VPS41: variants seen among roughly 807,000 people sequenced by gnomAD.
The protein encoded by VPS41 is VPS41 subunit of HOPS complex, also known as vacuolar protein sorting-associated protein 41 homolog.
In VPS41, 85 loss-of-function variants were observed where a neutral mutation model predicts 130.9. That is an observed-to-expected ratio of 0.65 (90% CI 0.55 to 0.78). The LOEUF (loss-of-function observed/expected upper bound fraction) is 0.78. Ranked by LOEUF, VPS41 falls within the 30% of genes least tolerant of loss-of-function variation. The pLI, the probability that VPS41 is intolerant of heterozygous loss-of-function variation, is 0.00. For missense variants in VPS41, 874 were observed against 1,018.7 expected (o/e 0.86, Z 1.93); for synonymous variants, 335 against 332.9 (o/e 1.01, Z -0.07).
At chr7:38,831,809 T>C (rs965086736) in intron 4 of VPS41, among the ~76,000 whole-genome samples, 4 of 152,228 alleles carry the variant, frequency 2.6e-5, no homozygotes, top group Non-Finnish European at 4.4e-5. Flanking sequence ...GCCACAGTGC[T>C]ACTAAGGGCT....
chr7:38,819,635 T>C (rs192838676), intron 6 of VPS41, among the ~76,000 whole-genome samples: 25 of 152,170 alleles, frequency 1.6e-4, no homozygotes, highest in African/African-American at 6.0e-4. Context: ...CTATTTAATC[T>C]CCACACTGCA....
At chr7:38,867,204 GGAAAT>G (rs1786247444) in intron 3 of VPS41, among the ~76,000 whole-genome samples, 1 of 152,144 alleles carries the variant, frequency 6.6e-6, no homozygotes, top group Non-Finnish European at 1.5e-5. Flanking sequence ...AAACAAGGGA[GGAAAT>G]GTGATGAAGT....
At chr7:38,751,775 C>T (rs961420673) in intron 22 of VPS41, among the ~76,000 whole-genome samples, 5 of 152,174 alleles carry the variant, frequency 3.3e-5, no homozygotes, top group African/African-American at 1.2e-4. Context: ...GTTTATCAAA[C>T]CTGATTCCTG....
chr7:38,742,940 T>C (rs752142530), intron 24 of VPS41, among the ~76,000 whole-genome samples: 4 of 152,022 alleles, frequency 2.6e-5, no homozygotes, highest in South Asian at 2.1e-4. Flanking sequence ...CTGATAAAAA[T>C]AGTGCAGGAA....
In VPS41 at chr7:38,820,940, T is replaced by G. The variant is rs189448200; in HGVS notation, c.384+263A>C. ...TTTTACCACAGATCGTGTGTGTGTG[T>G]GCGTGCGTGTGTGTGTGTATGTGTG... On this transcript the variant is annotated intron_variant, in intron 6 of 28. Transcript: ENST00000310301. Among the ~76,000 whole-genome samples the G allele has an allele frequency of 7.3e-5, 11 of 151,580 alleles. No individual in the cohort carries two copies. In the East Asian group the frequency reaches 2.1e-3, roughly 29 times the overall value.
intron 10 of VPS41, among the ~76,000 whole-genome samples, chr7:38,780,297 C>T (rs1468144491): frequency 6.6e-6 from 1 of 151,332 alleles, no homozygotes; most frequent in Non-Finnish European, 1.5e-5. Context: ...TGAGGCTCAG[C>T]TCGCGGGCCC....
intron 2 of VPS41, among the ~76,000 whole-genome samples, chr7:38,872,249 A>C (rs545506144): frequency 6.6e-6 from 1 of 152,206 alleles, no homozygotes; most frequent in Non-Finnish European, 1.5e-5. Context: ...TGTTCTGATC[A>C]AGCAGCCCTG....
chr7:38,781,077 C>A (rs1213820323), intron 10 of VPS41, among the ~76,000 whole-genome samples: 1 of 152,116 alleles, frequency 6.6e-6, no homozygotes, highest in African/African-American at 2.4e-5. Flanking sequence ...AATTAAACCT[C>A]TTTTCTTTAT....
At chr7:38,756,418 C>T (rs974292653) in intron 19 of VPS41, among the ~76,000 whole-genome samples, 43 of 152,008 alleles carry the variant, frequency 2.8e-4, no homozygotes, top group African/African-American at 1.0e-3. Context: ...ATGCTGGATA[C>T]GTGAACACCA....
intron 1 of VPS41, among the ~76,000 whole-genome samples, chr7:38,900,618 A>G (rs1279386300): frequency 6.6e-6 from 1 of 152,204 alleles, no homozygotes; most frequent in Non-Finnish European, 1.5e-5. Context: ...CTTTCTCCAC[A>G]CCAGAAAGCA....
chr7:38,891,709 T>C (rs1035779381), intron 2 of VPS41, among the ~76,000 whole-genome samples: 3 of 152,220 alleles, frequency 2.0e-5, no homozygotes, highest in African/African-American at 7.2e-5. Flanking sequence ...AAAAAGGACA[T>C]ATGAATATTT....
Position 38,822,055 on chromosome 7 carries a change from C to T in VPS41, c.322-790G>A, listed in dbSNP as rs770488445. On this transcript the variant is annotated intron_variant, in intron 5 of 28. Transcript: ENST00000310301. ...AACCACACTTCACTCACAACTTATGCTAAATCTACTGAGAATACAGAAATG... is the reference window on the plus strand; with the variant it reads ...AACCACACTTCACTCACAACTTATGTTAAATCTACTGAGAATACAGAAATG... Among the ~76,000 whole-genome samples, 6 of 152,132 alleles carry T rather than the reference C, an allele frequency of 3.9e-5. No homozygotes were observed. The East Asian group carries it at 9.6e-4, about 24-fold the overall frequency.
chr7:38,791,593 T>G (rs1319185750), intron 9 of VPS41, among the ~76,000 whole-genome samples: 1 of 152,040 alleles, frequency 6.6e-6, no homozygotes, highest in African/African-American at 2.4e-5. Context: ...ACATGTAAGT[T>G]GAAGCAGGAG....
intron 6 of VPS41, among the ~76,000 whole-genome samples, chr7:38,820,637 C>CCAAT (rs1315650837): frequency 6.6e-6 from 1 of 152,144 alleles, no homozygotes; most frequent in African/African-American, 2.4e-5. Context: ...TAAAGCCAGC[C>CCAAT]CAATCTTCCT....
At position 38,742,063 on chromosome 7, in the gene VPS41, A is replaced by T. The variant is rs1461928051; in HGVS notation, c.2181T>A (p.Ile727=). 6.2e-7 allele frequency: 1 copy of T among 1,613,354 alleles called. No homozygotes were observed. Among genetic ancestry groups the T allele is most frequent in the Non-Finnish European group, 8.5e-7 (1 of 1,179,664 alleles). Residue 727 remains isoleucine, a synonymous_variant, in exon 25 of 29, where the codon ATT becomes ATA. Coordinates refer to ENST00000310301, the MANE Select transcript of VPS41 (RefSeq NM_014396.4). ...TCTCCATTCCTTCCTTAATACGGTG[A>T]ATCAGTAGAATTGGGTCAACATGTG... ...IGTHVDPILL[I]HRIKEGMEIP...
At chr7:38,746,418 G>A (rs908848124) in intron 22 of VPS41, among the ~76,000 whole-genome samples, 1 of 152,126 alleles carries the variant, frequency 6.6e-6, no homozygotes, top group African/African-American at 2.4e-5. Flanking sequence ...TTATAGGTAA[G>A]AGGAAAACAA....
intron 4 of VPS41, among the ~76,000 whole-genome samples, chr7:38,846,351 G>A (rs1034000953): frequency 6.6e-6 from 1 of 151,768 alleles, no homozygotes; most frequent in African/African-American, 2.4e-5. Flanking sequence ...TGCTGAAGGA[G>A]TAAGAAGCAA....
At chr7:38,858,075 C>T (rs1786024118) in intron 4 of VPS41, among the ~76,000 whole-genome samples, 1 of 152,176 alleles carries the variant, frequency 6.6e-6, no homozygotes, top group Admixed American at 6.5e-5. Context: ...TTATAGGTGG[C>T]ACCCTTAGAG....
At chr7:38,783,202 C>T (rs886277020) in intron 10 of VPS41, among the ~76,000 whole-genome samples, 1 of 151,916 alleles carries the variant, frequency 6.6e-6, no homozygotes. Flanking sequence ...ATGACTAAGA[C>T]CTGACCCTAA....
Sources: gnomAD v4.1 joint callset for allele counts (sites outside exome capture counted in the v4.1 genomes callset) on GRCh38, gnomAD v4.1.1 for gene constraint, MANE v1.5 for transcripts, NCBI Gene and HGNC (gene_info 2026-07-23, HGNC 2026-07-21) for gene names.